The following CMC2 variants were observed in gnomAD, a reference collection of about 807,000 sequenced individuals.
The protein encoded by CMC2 is C-X9-C motif containing 2.
Under a neutral mutation model 7.5 loss-of-function variants are expected in CMC2, and 5 were observed. The observed-to-expected ratio is 0.66, with a 90% confidence interval of 0.35 to 1.40. The LOEUF is 1.40. CMC2 is among the 40% of genes most tolerant of loss of function. The pLI, the probability that CMC2 is intolerant of heterozygous loss-of-function variation, is 0.04. For missense variants in CMC2, 115 were observed against 92.3 expected (o/e 1.25, Z -1.01); for synonymous variants, 37 against 31.4 (o/e 1.18, Z -0.60).
intron 2 of CMC2, chr16:80,982,662 T>C (rs978372657): frequency 6.6e-6 from 1 of 152,044 alleles, no homozygotes; most frequent in African/African-American, 2.4e-5. Flanking sequence ...TTGAGAGAAT[T>C]GTAAGCAAAC....
intron 1 of CMC2, among the ~76,000 whole-genome samples, chr16:81,004,691 G>A (rs1347693321): frequency 6.6e-6 from 1 of 152,252 alleles, no homozygotes; most frequent in Non-Finnish European, 1.5e-5. Context: ...TGGGAGGGTA[G>A]AAGCGGTAGG....
At chr16:80,986,532 TAAACAAA>T (rs1967553100) in intron 2 of CMC2, among the ~76,000 whole-genome samples, 1 of 151,920 alleles carries the variant, frequency 6.6e-6, no homozygotes, top group African/African-American at 2.4e-5. Flanking sequence ...AAAATTGATT[TAAACAAA>T]AAAGAAAACA....
At position 80,971,682 on chromosome 16, in the gene CMC2, T is replaced by C. The variant is rs1016918238; in HGVS notation, c.*4411A>G. On this transcript the variant is annotated 3_prime_UTR_variant, in exon 4 of 4. Transcript: ENST00000219400. ...TAGTTACCACCAATAAAGAAATAAGTGGAACGGGCTTGGGGTGACAAACAC... is the reference window on the plus strand; with the variant it reads ...TAGTTACCACCAATAAAGAAATAAGCGGAACGGGCTTGGGGTGACAAACAC... 6.6e-6 allele frequency: 1 copy of C among 150,588 alleles called. No homozygotes were observed. The highest frequency in any genetic ancestry group is 1.5e-5 in the Non-Finnish European group (1 of 67,824). 9.3% of individuals were successfully genotyped at this position (150,588 alleles called of 1,614,324 possible).
At chr16:80,997,480 C>T (rs1400332292) in intron 1 of CMC2, 51 bp from the exon 2 acceptor site, 2 of 931,692 alleles carry the variant, frequency 2.1e-6, no homozygotes, top group Non-Finnish European at 3.5e-6. Flanking sequence ...TGTTACGCCA[C>T]CTAAAAGTAT....
At chr16:80,982,125 A>C (rs1967165153) in intron 2 of CMC2, among the ~76,000 whole-genome samples, 1 of 152,212 alleles carries the variant, frequency 6.6e-6, no homozygotes. Flanking sequence ...ATTTGGAACA[A>C]TTAAAAAAAA....
rs1911821525 is a variant in CMC2, at chr16:80,970,194, C to G, written c.*5899G>C. 6.6e-6 allele frequency: 1 copy of G among 152,166 alleles called. No homozygotes were observed. Among genetic ancestry groups the G allele is most frequent in the African/African-American group, 2.4e-5 (1 of 41,454 alleles). The allele number at this position is 152,166 out of a possible 1,614,324, so 9.4% of individuals were successfully genotyped here. On this transcript the variant is annotated 3_prime_UTR_variant, in exon 4 of 4. Coordinates refer to ENST00000219400, the MANE Select transcript of CMC2 (RefSeq NM_020188.5). ...AAAACTGCGGCTACAGTTGCAGGCTCTATAACCCCACCATTTCTGCTCTGA... is the reference window on the plus strand; with the variant it reads ...AAAACTGCGGCTACAGTTGCAGGCTGTATAACCCCACCATTTCTGCTCTGA...
Position 80,981,856 on chromosome 16 carries a change from C to CA in CMC2, c.102dup (p.Gly35TrpfsTer4), listed in dbSNP as rs1269697841. 2 of 1,608,284 alleles carry CA rather than the reference C, an allele frequency of 1.2e-6. No homozygotes were observed. Among genetic ancestry groups the CA allele is most frequent in the African/African-American group, 2.7e-5 (2 of 74,850 alleles). On this transcript the variant is annotated frameshift_variant, in exon 3 of 4. Transcript: ENST00000219400. LOFTEE classifies it high-confidence loss of function. ...TCCCGATCAACATCATTACAATAAC[C>CA]AAAAAATTTCAGAATGTTGTGCTAA...
chr16:80,975,895 T>C lies in CMC2; in HGVS notation c.*198A>G. 2.1e-6 allele frequency: 1 copy of C among 479,040 alleles called. No individual in the cohort carries two copies. Among genetic ancestry groups the C allele is most frequent in the Non-Finnish European group, 3.7e-6 (1 of 271,416 alleles). 29.7% of individuals were successfully genotyped at this position (479,040 alleles called of 1,614,324 possible). A position where few individuals can be genotyped will look rare whatever the true frequency, so the allele number is the denominator to read the frequency against. ...AACATGGTGAAGTCAGGTTTGCTGG[T>C]AAAGGGGAGACAGTACTAAACGCCC... On this transcript the variant is annotated 3_prime_UTR_variant, in exon 4 of 4. Transcript: ENST00000219400.
intron 3 of CMC2, among the ~76,000 whole-genome samples, chr16:80,978,718 A>C (rs1966874295): frequency 6.6e-6 from 1 of 152,072 alleles, no homozygotes; most frequent in Non-Finnish European, 1.5e-5. Context: ...AAAAAAGAAA[A>C]AAAAAAAGAA....
Position 80,971,993 on chromosome 16 carries a change from T to G in CMC2, c.*4100A>C, listed in dbSNP as rs1318232952. 5.9e-5 allele frequency: 9 copies of G among 152,436 alleles called. No individual in the cohort carries two copies. The highest frequency in any genetic ancestry group is 1.5e-5 in the Non-Finnish European group (1 of 68,130). 9.4% of individuals were successfully genotyped at this position (152,436 alleles called of 1,614,324 possible). On this transcript the variant is annotated 3_prime_UTR_variant, in exon 4 of 4. Coordinates refer to ENST00000219400, the MANE Select transcript of CMC2 (RefSeq NM_020188.5). ...CCTGTCTCTGCTCTCCCCTCCCTAC[T>G]GTCAGTCTTGTTCTCCATCTCCTGT...
intron 1 of CMC2, among the ~76,000 whole-genome samples, chr16:81,000,131 C>T (rs769654136): frequency 6.6e-6 from 1 of 152,128 alleles, no homozygotes; most frequent in Non-Finnish European, 1.5e-5. Flanking sequence ...AACTATGCAT[C>T]CAACAAAGGT....
chr16:80,967,450 C>G lies in CMC2; in HGVS notation c.*8643G>C, dbSNP rs1166007162. On this transcript the variant is annotated 3_prime_UTR_variant, in exon 4 of 4. Coordinates refer to ENST00000219400, the MANE Select transcript of CMC2 (RefSeq NM_020188.5). ...CGCCTCCCGGGTTCACGCCATTCTC[C>G]CGCCTCAGCCTCCCAAGTAGCTGGG... 1 of 152,346 alleles carries G rather than the reference C, an allele frequency of 6.6e-6. No homozygotes were observed. The highest frequency in any genetic ancestry group is 1.5e-5 in the Non-Finnish European group (1 of 68,150). The allele number at this position is 152,346 out of a possible 1,614,324, so 9.4% of individuals were successfully genotyped here. A position where few individuals can be genotyped will look rare whatever the true frequency, so the allele number is the denominator to read the frequency against.
chr16:80,984,895 A>T (rs1967403926), intron 2 of CMC2, among the ~76,000 whole-genome samples: 1 of 152,260 alleles, frequency 6.6e-6, no homozygotes, highest in Admixed American at 6.5e-5. Context: ...CAAGTGCCCC[A>T]GAGAAATTGG....
At chr16:80,993,293 C>T (rs1476251288) in intron 2 of CMC2, among the ~76,000 whole-genome samples, 4 of 152,196 alleles carry the variant, frequency 2.6e-5, no homozygotes, top group Admixed American at 6.5e-5. Context: ...ACCCTACATT[C>T]ACCTAGCTTT....
chr16:80,993,372 G>A (rs887059080), intron 2 of CMC2, among the ~76,000 whole-genome samples: 2 of 152,264 alleles, frequency 1.3e-5, no homozygotes, highest in South Asian at 2.1e-4. Flanking sequence ...TAGTTTCACC[G>A]AGCAGAGGAG....
intron 3 of CMC2, among the ~76,000 whole-genome samples, chr16:80,978,998 G>A (rs772572781): frequency 2.6e-5 from 4 of 151,994 alleles, no homozygotes; most frequent in South Asian, 2.1e-4. Flanking sequence ...GGAGAATGGC[G>A]TGAACCCGGG....
chr16:80,999,914 G>C, intron 1 of CMC2, among the ~76,000 whole-genome samples: 1 of 152,164 alleles, frequency 6.6e-6, no homozygotes, highest in East Asian at 1.9e-4. Flanking sequence ...ATAGATTACA[G>C]ATTTACACAG....
At chr16:80,984,462 A>T (rs1321955862) in intron 2 of CMC2, among the ~76,000 whole-genome samples, 2 of 152,212 alleles carry the variant, frequency 1.3e-5, no homozygotes, top group Admixed American at 6.5e-5. Flanking sequence ...TTCCACACTG[A>T]ATAAGTGGTC....
intron 1 of CMC2, among the ~76,000 whole-genome samples, chr16:81,003,835 T>A (rs1333394866): frequency 6.6e-6 from 1 of 152,232 alleles, no homozygotes; most frequent in East Asian, 1.9e-4. Flanking sequence ...ACAAGTTACA[T>A]CATTTTGGTT....
Sources: gnomAD v4.1 joint callset for allele counts (sites outside exome capture counted in the v4.1 genomes callset) on GRCh38, gnomAD v4.1.1 for gene constraint, MANE v1.5 for transcripts, NCBI Gene and HGNC (gene_info 2026-07-23, HGNC 2026-07-21) for gene names.